Variants in TBCD observed in about 807,000 individuals in gnomAD.
TBCD encodes the protein tubulin folding cofactor D.
A neutral mutation model predicts 169.3 loss-of-function variants in TBCD; 105 were observed. The ratio of observed to expected loss-of-function variants is 0.62; its 90% CI spans 0.53 to 0.73. The LOEUF (loss-of-function observed/expected upper bound fraction) is 0.73. Ranked by LOEUF, TBCD falls within the 30% of genes least tolerant of loss-of-function variation. TBCD has a pLI of 0.00. For missense variants in TBCD, 1,444 were observed against 1,600.1 expected, an observed-to-expected ratio of 0.90 and a Z score of 1.66; for synonymous variants, 700 against 643.9, an observed-to-expected ratio of 1.09 and a Z score of -1.32.
At chr17:82,827,589 A>C (rs1199152223) in intron 13 of TBCD, among the ~76,000 whole-genome samples, 2 of 152,182 alleles carry the variant, frequency 1.3e-5, no homozygotes, top group Non-Finnish European at 2.9e-5. Context: ...GCTCACACAC[A>C]TGCACGATGC....
rs568910353 is a variant in TBCD, at chr17:82,800,702, A to C, written c.818-162A>C. On this transcript the variant is annotated intron_variant, in intron 8 of 38. Transcript: ENST00000355528. ...ACAGCAAGGAAGTCGAGTAGGTTCAACTCCAGCAGCTCTTGGTTCATGATT... is the reference window on the plus strand; with the variant it reads ...ACAGCAAGGAAGTCGAGTAGGTTCACCTCCAGCAGCTCTTGGTTCATGATT... Among the ~76,000 whole-genome samples, 132 of 150,740 alleles carry C rather than the reference A, an allele frequency of 8.8e-4. 1 individual carries two copies. Among genetic ancestry groups the C allele is most frequent in the Admixed American group, 2.6e-3 (39 of 15,146 alleles).
In TBCD at chr17:82,928,979, A is replaced by T. The variant is rs2061983845; in HGVS notation, c.2694-134A>T. 6.5e-5 allele frequency: 75 copies of T among 1,158,052 alleles called. No individual in the cohort carries two copies. In the South Asian group the frequency reaches 9.2e-4, roughly 14 times the overall value. The allele number at this position is 1,158,052 out of a possible 1,614,324, so 71.7% of individuals were successfully genotyped here. Reference sequence around the variant, plus strand: ...CCTGGTGTCAGCTGCCAACTCAGCCACCATGTCCCGAGGAGCCCGCATGTC... The same window carrying T: ...CCTGGTGTCAGCTGCCAACTCAGCCTCCATGTCCCGAGGAGCCCGCATGTC... On this transcript the variant is annotated intron_variant, in intron 30 of 38. Coordinates refer to ENST00000355528, the MANE Select transcript of TBCD (RefSeq NM_005993.5).
At chr17:82,771,468 G>T (rs2048310945) in intron 5 of TBCD, among the ~76,000 whole-genome samples, 1 of 151,746 alleles carries the variant, frequency 6.6e-6, no homozygotes, top group Non-Finnish European at 1.5e-5. Flanking sequence ...ACCCATTCTG[G>T]AGTATAGTGG....
chr17:82,894,898 G>C (rs2059377723), intron 17 of TBCD, among the ~76,000 whole-genome samples: 1 of 152,118 alleles, frequency 6.6e-6, no homozygotes, highest in African/African-American at 2.4e-5. Context: ...AATCACTTGA[G>C]CCCGGGAAGC....
Position 82,923,679 on chromosome 17 carries a change from C to T in TBCD, c.2206C>T (p.Leu736=). 1.3e-6 allele frequency: 2 copies of T among 1,593,582 alleles called. No homozygotes were observed. The highest frequency in any genetic ancestry group is 1.7e-6 in the Non-Finnish European group (2 of 1,169,932). Residue 736 remains leucine, a synonymous_variant, in exon 26 of 39, where the codon CTA becomes TTA. Transcript: ENST00000355528. The surrounding 1 kb of genome is among the most constrained non-coding windows in gnomAD (Gnocchi z 4.6). ...TGCAGCAGTCTCGGCCCTGGCTGCT[C>T]TATGCAGTGAATATTACATGAAGGA... ...KDAAVSALAA[L]CSEYYMKEPG...
chr17:82,874,565 C>T lies in TBCD; in HGVS notation c.1475+4185C>T, dbSNP rs997692633. 2.6e-5 allele frequency among the ~76,000 whole-genome samples: 4 copies of T among 152,178 alleles called. No homozygotes were observed. The highest frequency in any genetic ancestry group is 4.1e-4 in the South Asian group (2 of 4,832). On this transcript the variant is annotated intron_variant, in intron 14 of 38. Coordinates refer to ENST00000355528, the MANE Select transcript of TBCD (RefSeq NM_005993.5). The surrounding 1 kb of genome is among the most constrained non-coding windows in gnomAD (Gnocchi z 5.0). ...TTACCTGTGCCATCCCGGCCGCAGA[C>T]CCAAGGGTGCCCTTGGAGCCGTGCC... is the stretch of plus-strand genomic sequence containing the variant.
Position 82,942,724 on chromosome 17 carries a change from G to A in TBCD, c.*261G>A, listed in dbSNP as rs965580649. 6 of 586,678 alleles carry A rather than the reference G, an allele frequency of 1.0e-5. No homozygotes were observed. The highest frequency in any genetic ancestry group is 9.3e-5 in the African/African-American group (5 of 53,494). 36.3% of individuals were successfully genotyped at this position (586,678 alleles called of 1,614,324 possible). A position where few individuals can be genotyped will look rare whatever the true frequency, so the allele number is the denominator to read the frequency against. ...CAAGAAGTTCCTGCCTTTTGTCTCT[G>A]AGCCTGATGTGTGTAGGGGTGATGG... On this transcript the variant is annotated 3_prime_UTR_variant, in exon 39 of 39. Transcript: ENST00000355528.
At position 82,805,711 on chromosome 17, in the gene TBCD, T is replaced by C. The variant is rs2050911085; in HGVS notation, c.951-164T>C. On this transcript the variant is annotated intron_variant, in intron 9 of 38. Transcript: ENST00000355528. Reference sequence around the variant, plus strand: ...CCAGGATCTTCCTGGCAGTTTGTGCTGATGGCACTGCCTCCAGGTTCTCCC... The same window carrying C: ...CCAGGATCTTCCTGGCAGTTTGTGCCGATGGCACTGCCTCCAGGTTCTCCC... Among the ~76,000 whole-genome samples the C allele has an allele frequency of 1.3e-5, 2 of 152,228 alleles. 1 individual carries two copies. The highest frequency in any genetic ancestry group is 4.8e-5 in the African/African-American group (2 of 41,460).
intron 1 of TBCD, among the ~76,000 whole-genome samples, chr17:82,755,502 G>A (rs1414771086): frequency 6.6e-6 from 1 of 152,186 alleles, no homozygotes; most frequent in Non-Finnish European, 1.5e-5. Flanking sequence ...ATGTGATGCT[G>A]TACTAGAGTC....
At chr17:82,764,129 C>T (rs2047908319) in intron 3 of TBCD, 67 bp downstream of exon 3, 1 of 1,231,354 alleles carries the variant, frequency 8.1e-7, no homozygotes, top group Non-Finnish European at 1.2e-6. Flanking sequence ...AGAGGTTACC[C>T]TCCAAAATGT....
intron 15 of TBCD, among the ~76,000 whole-genome samples, chr17:82,885,752 A>C (rs1168164041): frequency 2.0e-5 from 3 of 152,232 alleles, no homozygotes; most frequent in African/African-American, 7.2e-5. Context: ...AAGTGAAATA[A>C]TATAAATCAT....
chr17:82,845,329 C>G (rs1018164571), intron 13 of TBCD, among the ~76,000 whole-genome samples: 13 of 151,696 alleles, frequency 8.6e-5, no homozygotes, highest in African/African-American at 2.9e-4. Context: ...CCCTTCCTCT[C>G]TGTCCTGTCT....
At position 82,832,716 on chromosome 17, in the gene TBCD, A is replaced by G. The variant is rs777175850; in HGVS notation, c.1318+17782A>G. Reference sequence around the variant, plus strand: ...GCCGGCCTCGGCTCGCCACAGTGCCACAGGATCCCTGAAGCAGAACCCCTG... The same window carrying G: ...GCCGGCCTCGGCTCGCCACAGTGCCGCAGGATCCCTGAAGCAGAACCCCTG... On this transcript the variant is annotated intron_variant, in intron 13 of 38. Transcript: ENST00000355528. This position sits in a 1 kb window ranked among gnomAD's most constrained non-coding sequence, Gnocchi z 4.9. The G allele has an allele frequency of 1.5e-5, 8 of 533,766 alleles. No individual in the cohort carries two copies. The highest frequency in any genetic ancestry group is 1.2e-4 in the South Asian group (6 of 48,654). 33.1% of individuals were successfully genotyped at this position (533,766 alleles called of 1,614,324 possible).
chr17:82,931,173 AG>A (rs951759998), intron 33 of TBCD, among the ~76,000 whole-genome samples: 117 of 152,332 alleles, frequency 7.7e-4, no homozygotes, highest in African/African-American at 2.7e-3. Context: ...AGCATGTGCG[AG>A]GACGAGGACA....
chr17:82,786,390 G>C (rs2031016865), intron 7 of TBCD, among the ~76,000 whole-genome samples: 1 of 152,168 alleles, frequency 6.6e-6, no homozygotes, highest in South Asian at 2.1e-4. Context: ...GCCTCTGCAG[G>C]GGAGGCCGTT....
rs941279212 is a variant in TBCD, at chr17:82,884,509, T to C, written c.1533+307T>C. On this transcript the variant is annotated intron_variant, in intron 15 of 38. Transcript: ENST00000355528. This position sits in a 1 kb window ranked among gnomAD's most constrained non-coding sequence, Gnocchi z 4.2. ...GGTCTTGGTGCAGGCAGCTGCACGC[T>C]GAAGACGCAGAAGAGAGTGGGTTCT... 6.6e-6 allele frequency among the ~76,000 whole-genome samples: 1 copy of C among 152,190 alleles called. No homozygotes were observed. Among genetic ancestry groups the C allele is most frequent in the Non-Finnish European group, 1.5e-5 (1 of 68,034 alleles).
chr17:82,815,467 G>A lies in TBCD; in HGVS notation c.1318+533G>A, dbSNP rs188571192. Among the ~76,000 whole-genome samples, 15 of 152,384 alleles carry A rather than the reference G, an allele frequency of 9.8e-5. No homozygotes were observed. In the East Asian group the frequency reaches 2.9e-3, roughly 29 times the overall value. ...AGCGTGAAACCAGGGTGGGAACTGG[G>A]GTGGAGGGCCAGGGGAGCTCTGCAG... On this transcript the variant is annotated intron_variant, in intron 13 of 38. Coordinates refer to ENST00000355528, the MANE Select transcript of TBCD (RefSeq NM_005993.5).
intron 13 of TBCD, among the ~76,000 whole-genome samples, chr17:82,857,209 G>A (rs1452810812): frequency 6.6e-6 from 1 of 152,204 alleles, no homozygotes; most frequent in Admixed American, 6.5e-5. Context: ...TCTTAATGAC[G>A]AATGACACTG....
intron 13 of TBCD, among the ~76,000 whole-genome samples, chr17:82,825,652 A>C (rs2052777277): frequency 6.6e-6 from 1 of 151,980 alleles, no homozygotes; most frequent in African/African-American, 2.4e-5. Flanking sequence ...ATTGTGACAA[A>C]CTCTGTATCC....
Sources: allele counts gnomAD v4.1 joint callset (sites outside exome capture counted in the v4.1 genomes callset), GRCh38; gene constraint gnomAD v4.1.1; non-coding constraint Gnocchi (gnomAD v3.1); transcripts MANE v1.5; gene names NCBI Gene and HGNC (gene_info 2026-07-23, HGNC 2026-07-21).